Variants in SYNPO2 observed in about 807,000 individuals in gnomAD.
SYNPO2 encodes the protein synaptopodin 2, also known as synaptopodin-2.
A neutral mutation model predicts 85.0 loss-of-function variants in SYNPO2; 56 were observed. The observed-to-expected ratio is 0.66, with a 90% confidence interval of 0.53 to 0.82. The LOEUF (loss-of-function observed/expected upper bound fraction) is 0.82. Among genes scored for constraint, SYNPO2 ranks in the 40% least tolerant of loss-of-function variants. The probability of loss-of-function intolerance (pLI) is 0.00; values close to 1 mark genes in which losing one functional copy is unlikely to be tolerated. For missense variants in SYNPO2, 1,575 were observed against 1,534.2 expected (o/e 1.03, Z -0.44); for synonymous variants, 602 against 591.1 (o/e 1.02, Z -0.27).
intron 1 of SYNPO2, among the ~76,000 whole-genome samples, chr4:118,988,081 A>C (rs566094229): frequency 1.5e-4 from 23 of 152,356 alleles, no homozygotes; most frequent in African/African-American, 5.5e-4. Flanking sequence ...TAATCTGCAC[A>C]TGTACTGCCT....
chr4:118,940,236 A>G (rs887896894), intron 1 of SYNPO2, among the ~76,000 whole-genome samples: 4 of 151,924 alleles, frequency 2.6e-5, no homozygotes, highest in African/African-American at 7.3e-5. Context: ...CGTCCGTCTC[A>G]TGATCCTCCC....
At chr4:119,005,827 A>G (rs1470225003) in intron 1 of SYNPO2, among the ~76,000 whole-genome samples, 1 of 152,232 alleles carries the variant, frequency 6.6e-6, no homozygotes, top group Admixed American at 6.5e-5. Flanking sequence ...ATGTGCAATC[A>G]GTTGCCGAGA....
intron 2 of SYNPO2, among the ~76,000 whole-genome samples, chr4:119,025,760 A>G (rs533159262): frequency 6.6e-6 from 1 of 152,238 alleles, no homozygotes; most frequent in Non-Finnish European, 1.5e-5. Flanking sequence ...TCTGTGAATA[A>G]TACCTCTAAA....
At chr4:119,005,440 A>G (rs6855203) in intron 1 of SYNPO2, among the ~76,000 whole-genome samples, 4 of 148,802 alleles carry the variant, frequency 2.7e-5, no homozygotes, top group Non-Finnish European at 6.0e-5. Context: ...TCAGCTTTCT[A>G]CATATGGCTA....
Position 119,027,217 on chromosome 4 carries a change from G to C in SYNPO2, c.848G>C (p.Arg283Pro). The change falls in exon 3 of 5, where the codon CGG becomes CCG. Residue 283 changes from arginine (R) to proline (P), a missense_variant. Transcript: ENST00000307142. ...ESEAGDAGLP[R>P]VEVILDCSDR... ...GAAGCAGGAGATGCGGGACTGCCCCGGGTGGAAGTGATCCTCGACTGCTCT... is the reference window on the plus strand; with the variant it reads ...GAAGCAGGAGATGCGGGACTGCCCCCGGTGGAAGTGATCCTCGACTGCTCT... The C allele has an allele frequency of 6.2e-7, 1 of 1,614,110 alleles. No individual in the cohort carries two copies. Among genetic ancestry groups the C allele is most frequent in the Non-Finnish European group, 8.5e-7 (1 of 1,180,026 alleles).
intron 1 of SYNPO2, among the ~76,000 whole-genome samples, chr4:118,900,703 C>CTCTATATATA (rs1277981772): frequency 2.1e-3 from 90 of 43,846 alleles, no homozygotes; most frequent in East Asian, 3.8e-3. Flanking sequence ...CTCTCTCTCT[C>CTCTATATATA]TATATATATA....
At chr4:119,038,604 A>T in intron 4 of SYNPO2, 9 of 966,844 alleles carry the variant, frequency 9.3e-6, no homozygotes, top group Non-Finnish European at 1.1e-5. Flanking sequence ...AGCACCTAGC[A>T]TGGCTTGCTA....
intron 2 of SYNPO2, among the ~76,000 whole-genome samples, chr4:119,024,531 T>G (rs956778284): frequency 2.0e-5 from 3 of 152,182 alleles, no homozygotes; most frequent in African/African-American, 7.2e-5. Flanking sequence ...GCCAAAATCT[T>G]GAGACAACAA....
rs142419460 is a variant in SYNPO2, at chr4:119,031,724, T to A, written c.2949T>A (p.Asp983Glu). The A allele has an allele frequency of 6.2e-7, 1 of 1,614,204 alleles. No individual in the cohort carries two copies. The highest frequency in any genetic ancestry group is 1.3e-5 in the African/African-American group (1 of 75,042). The change falls in exon 4 of 5, where the codon GAT becomes GAA. Residue 983 changes from aspartate (D) to glutamate (E), a missense_variant. By Grantham distance (45) the Asp-to-Glu change is conservative. Transcript: ENST00000307142. ...NASLFTFQPP[D>E]AKDGLPQKSS... is the part of the protein sequence containing the mutation. ...CCTTGTTTACTTTCCAACCTCCAGA[T>A]GCAAAGGATGGCCTCCCCCAGAAGT...
Position 118,993,876 on chromosome 4 carries a change from C to T in SYNPO2, c.106-29554C>T, listed in dbSNP as rs570389809. On this transcript the variant is annotated intron_variant, in intron 1 of 4. Coordinates refer to ENST00000307142, the MANE Select transcript of SYNPO2 (RefSeq NM_133477.3). ...TATATTCCATTATCATGTTTAATCC[C>T]AGGACTTATGATGCTGGAAGCACGG... Among the ~76,000 whole-genome samples the T allele has an allele frequency of 3.9e-5, 6 of 152,204 alleles. No homozygotes were observed. The East Asian group carries it at 1.2e-3, about 29-fold the overall frequency.
upstream of SYNPO2, among the ~76,000 whole-genome samples, chr4:118,885,201 G>T (rs553993356): frequency 3.3e-5 from 5 of 152,298 alleles, no homozygotes; most frequent in South Asian, 1.0e-3. Flanking sequence ...GGTAGTGGGA[G>T]GCAGAAAGTG....
chr4:119,010,967 T>C (rs577502728), intron 1 of SYNPO2, among the ~76,000 whole-genome samples: 79 of 152,336 alleles, frequency 5.2e-4, no homozygotes, highest in Middle Eastern at 3.4e-3. Context: ...TAGCTAGCTC[T>C]GGCCCAGGAT....
intron 4 of SYNPO2, 66 bp from the exon 5 acceptor site, chr4:119,057,335 A>G: frequency 6.9e-7 from 1 of 1,446,942 alleles, no homozygotes; most frequent in Admixed American, 2.3e-5. Context: ...TGCTAGGAAT[A>G]CTTTGGAGTA....
chr4:118,899,710 T>C (rs528906137), intron 1 of SYNPO2, among the ~76,000 whole-genome samples: 22 of 152,338 alleles, frequency 1.4e-4, no homozygotes, highest in African/African-American at 4.1e-4. Flanking sequence ...CTAATTGGAA[T>C]AGGCTACATT....
At chr4:118,968,545 G>A (rs1735401886) in intron 1 of SYNPO2, among the ~76,000 whole-genome samples, 1 of 152,168 alleles carries the variant, frequency 6.6e-6, no homozygotes, top group Non-Finnish European at 1.5e-5. Flanking sequence ...AGCACCCATA[G>A]GCATTTGCCT....
At chr4:118,891,721 A>ACAGTC (rs1732385607) in intron 1 of SYNPO2, among the ~76,000 whole-genome samples, 1 of 152,228 alleles carries the variant, frequency 6.6e-6, no homozygotes, top group South Asian at 2.1e-4. Context: ...GTGATAGCTT[A>ACAGTC]TTAGGGCTGG....
intron 1 of SYNPO2, among the ~76,000 whole-genome samples, chr4:118,921,994 C>G (rs1422181050): frequency 2.0e-5 from 3 of 152,100 alleles, no homozygotes; most frequent in African/African-American, 7.2e-5. Flanking sequence ...TCACAATTAT[C>G]TTTTTATAGG....
intron 1 of SYNPO2, among the ~76,000 whole-genome samples, chr4:118,923,823 C>T (rs1042994731): frequency 8.0e-5 from 12 of 150,588 alleles, no homozygotes; most frequent in Non-Finnish European, 1.8e-4. Context: ...TTCTCAGCTT[C>T]CAGAACCACT....
chr4:118,898,911 GTCCACCCCATCTCCTGGCACCT>G (rs1284098210), intron 1 of SYNPO2, among the ~76,000 whole-genome samples: 1 of 152,196 alleles, frequency 6.6e-6, no homozygotes, highest in Admixed American at 6.5e-5. Flanking sequence ...TGGAATGCTT[GTCCACCCCATCTCCTGGCACCT>G]TCCCTAAAAT....
Sources: gnomAD v4.1 joint callset for allele counts (sites outside exome capture counted in the v4.1 genomes callset) on GRCh38, gnomAD v4.1.1 for gene constraint, MANE v1.5 for transcripts, NCBI Gene and HGNC (gene_info 2026-07-23, HGNC 2026-07-21) for gene names.